TNIP3: variants seen among roughly 807,000 people sequenced by gnomAD.
TNIP3 encodes the protein TNFAIP3-interacting protein 3.
TNIP3 carries 34 observed loss-of-function variants against 54.1 expected under a neutral mutation model. That is an observed-to-expected ratio of 0.63 (90% CI 0.48 to 0.84). The LOEUF (loss-of-function observed/expected upper bound fraction) is 0.84. Among genes scored for constraint, TNIP3 ranks in the 40% least tolerant of loss-of-function variants. TNIP3 has a pLI of 0.00. For missense variants in TNIP3, 366 were observed against 387.6 expected (o/e 0.94, Z 0.47); for synonymous variants, 134 against 136.8 (o/e 0.98, Z 0.14).
intron 4 of TNIP3, among the ~76,000 whole-genome samples, chr4:121,155,649 C>A (rs1730039292): frequency 6.6e-6 from 1 of 152,166 alleles, no homozygotes; most frequent in African/African-American, 2.4e-5. Flanking sequence ...TGGATTCAGA[C>A]AATATCTCCT....
chr4:121,216,456 A>C, exon 2 of TNIP3: 1 of 1,535,904 alleles, frequency 6.5e-7, no homozygotes, highest in Middle Eastern at 1.7e-4. Context: ...TTACCAGTTT[A>C]TCGTCGTGTT....
chr4:121,138,760 T>A, intron 9 of TNIP3, 76 bp from the exon 10 acceptor site: 1 of 1,350,994 alleles, frequency 7.4e-7, no homozygotes, highest in Non-Finnish European at 1.1e-6. Context: ...ACAATTAGGC[T>A]ATGTGGCTTT....
rs1260363473 is a variant in TNIP3 at position 121,131,472 on chromosome 4, T to A, written c.*1159A>T. Reference sequence around the variant, plus strand: ...GTCAGAATTAAGTTTTTCATTAAAATTAATCAAATCCAAGGGAAGGAAAAA... The same window carrying A: ...GTCAGAATTAAGTTTTTCATTAAAAATAATCAAATCCAAGGGAAGGAAAAA... On this transcript the variant is annotated 3_prime_UTR_variant, in exon 11 of 11. Coordinates refer to ENST00000057513, the MANE Select transcript of TNIP3 (RefSeq NM_024873.6). 2 of 151,926 alleles carry A rather than the reference T, an allele frequency of 1.3e-5. No homozygotes were observed. Among genetic ancestry groups the A allele is most frequent in the East Asian group, 3.9e-4 (2 of 5,194 alleles). The allele number at this position is 151,926 out of a possible 1,614,324, so 9.4% of individuals were successfully genotyped here.
At chr4:121,226,117 AAGAG>A (rs1017846253) in intron 1 of TNIP3, among the ~76,000 whole-genome samples, 4 of 151,540 alleles carry the variant, frequency 2.6e-5, no homozygotes, top group African/African-American at 9.7e-5. Context: ...GGGAGACAGA[AAGAG>A]AGAGAGACAG....
At chr4:121,171,018 G>T (rs576041746) in intron 3 of TNIP3, among the ~76,000 whole-genome samples, 3 of 152,246 alleles carry the variant, frequency 2.0e-5, no homozygotes, top group African/African-American at 7.2e-5. Flanking sequence ...GTTTCATCAT[G>T]TTGGCTAGGC....
At chr4:121,163,221 C>T (rs1484889540) in intron 1 of TNIP3, among the ~76,000 whole-genome samples, 1 of 152,046 alleles carries the variant, frequency 6.6e-6, no homozygotes, top group African/African-American at 2.4e-5. Context: ...AATGTATCAC[C>T]AAAGCTTTCT....
Position 121,149,232 on chromosome 4 carries a change from C to T in TNIP3, c.609+871G>A, listed in dbSNP as rs577867792. Among the ~76,000 whole-genome samples the T allele has an allele frequency of 2.4e-4, 36 of 152,286 alleles. 2 individuals are homozygous for T. Among genetic ancestry groups the T allele is most frequent in the African/African-American group, 6.5e-4 (27 of 41,546 alleles). ...ACTCTTGCTGTCCACTTGGCAATAG[C>T]GCGTGAGGTTAGGTGAGTGGGGAGG... is the stretch of plus-strand genomic sequence containing the variant. On this transcript the variant is annotated intron_variant, in intron 6 of 10. Coordinates refer to ENST00000057513, the MANE Select transcript of TNIP3 (RefSeq NM_024873.6).
chr4:121,223,869 T>C (rs991745083), intron 1 of TNIP3, among the ~76,000 whole-genome samples: 4 of 152,212 alleles, frequency 2.6e-5, no homozygotes, highest in Admixed American at 1.3e-4. Context: ...TCAGAGACTA[T>C]TCTTTCAAAA....
chr4:121,147,667 C>T (rs1003166546), intron 6 of TNIP3, among the ~76,000 whole-genome samples: 1 of 152,136 alleles, frequency 6.6e-6, no homozygotes, highest in Non-Finnish European at 1.5e-5. Context: ...TTACTGTTTT[C>T]AACTGACTTA....
At chr4:121,141,944 C>A in intron 8 of TNIP3, 30 bp from the exon 9 acceptor site, 1 of 1,494,324 alleles carries the variant, frequency 6.7e-7, no homozygotes, top group South Asian at 1.3e-5. Context: ...GGGGTCACTA[C>A]CAGTGGGAGA....
At chr4:121,133,391 C>T (rs1728590876) in intron 10 of TNIP3, among the ~76,000 whole-genome samples, 1 of 152,082 alleles carries the variant, frequency 6.6e-6, no homozygotes. Flanking sequence ...CTTTTCCAGG[C>T]TGAAAAATTA....
At chr4:121,133,314 G>T (rs1285121747) in intron 10 of TNIP3, among the ~76,000 whole-genome samples, 2 of 152,116 alleles carry the variant, frequency 1.3e-5, no homozygotes, top group South Asian at 4.1e-4. Context: ...TCCTCATTTG[G>T]TATACCAAAG....
chr4:121,222,157 T>C (rs1457143359), intron 1 of TNIP3, among the ~76,000 whole-genome samples: 1 of 152,212 alleles, frequency 6.6e-6, no homozygotes. Context: ...TTGCTCTTGA[T>C]GCATCTTAGA....
intron 9 of TNIP3, among the ~76,000 whole-genome samples, chr4:121,139,117 G>A (rs1458104533): frequency 6.6e-6 from 1 of 152,176 alleles, no homozygotes; most frequent in East Asian, 1.9e-4. Flanking sequence ...AATGGTTTAA[G>A]GAAGAAATTT....
chr4:121,200,044 G>T (rs1391688428), intron 2 of TNIP3, among the ~76,000 whole-genome samples: 4 of 152,088 alleles, frequency 2.6e-5, no homozygotes, highest in African/African-American at 4.8e-5. Flanking sequence ...ACGGTCAGAG[G>T]CAGAGCCCTT....
At chr4:121,165,036 A>T (rs1047905865), upstream of TNIP3, among the ~76,000 whole-genome samples, 2 of 151,952 alleles carry the variant, frequency 1.3e-5, no homozygotes, top group African/African-American at 4.8e-5. Flanking sequence ...GGAACAGAAG[A>T]CCTCATTTTG....
intron 2 of TNIP3, among the ~76,000 whole-genome samples, chr4:121,201,656 G>C (rs1485287129): frequency 6.6e-6 from 1 of 152,148 alleles, no homozygotes; most frequent in Non-Finnish European, 1.5e-5. Flanking sequence ...GGAATCAGAA[G>C]AGTTGTATTC....
upstream of TNIP3, among the ~76,000 whole-genome samples, chr4:121,221,069 T>C (rs10518385): frequency 0.69 from 105,319 of 152,038 alleles, 37,507 homozygotes; most frequent in South Asian, 0.9. Context: ...CTGTTAGCAA[T>C]TCTCATGGCC....
chr4:121,183,517 A>G (rs890440799), intron 2 of TNIP3, among the ~76,000 whole-genome samples: 15 of 152,236 alleles, frequency 9.9e-5, no homozygotes, highest in African/African-American at 3.4e-4. Context: ...GGGGTCCCCA[A>G]CCCCCACTGC....
Sources: allele counts gnomAD v4.1 joint callset (sites outside exome capture counted in the v4.1 genomes callset), GRCh38; gene constraint gnomAD v4.1.1; transcripts MANE v1.5; gene names NCBI Gene and HGNC (gene_info 2026-07-23, HGNC 2026-07-21).